The following RSPH6A variants were observed in gnomAD, a reference collection of about 807,000 sequenced individuals.
The protein encoded by RSPH6A is radial spoke head 6 homolog A.
Under a neutral mutation model 66.1 loss-of-function variants are expected in RSPH6A, and 49 were observed. The observed-to-expected ratio is 0.74, with a 90% CI of 0.59 to 0.94. The LOEUF (loss-of-function observed/expected upper bound fraction) is 0.94, where lower values mean the gene tolerates loss of function less well. Among genes scored for constraint, RSPH6A ranks in the 40% least tolerant of loss-of-function variants. The pLI is 0.00. For synonymous variants in RSPH6A, 419 were observed against 402.4 expected (o/e 1.04, Z -0.49); for missense variants, 977 against 948.3 (o/e 1.03, Z -0.40).
At chr19:45,796,921 T>A (rs1004557086) in intron 5 of RSPH6A, among the ~76,000 whole-genome samples, 4 of 152,138 alleles carry the variant, frequency 2.6e-5, no homozygotes, top group Admixed American at 1.3e-4. Flanking sequence ...GTTTAAAAAT[T>A]AGCCAGTTGC....
chr19:45,804,670 G>A lies in RSPH6A; in HGVS notation c.1235C>T (p.Pro412Leu), dbSNP rs200271765. The change falls in exon 3 of 6, where the codon CCC becomes CTC. Residue 412 changes from proline to leucine, a missense_variant. Transcript: ENST00000221538. This position sits in a 1 kb window ranked among gnomAD's most constrained non-coding sequence, Gnocchi z 5.8. The part of the protein sequence containing the change: ...IVPKSVWKPP[P>L]VIPKEESRSG... ...GCGGCTCTCCTCCTTGGGGATCACG[G>A]GCGGCGGCTTCCATACGGACTTAGG... 5 of 1,613,800 alleles carry A rather than the reference G, an allele frequency of 3.1e-6. No homozygotes were observed. Among genetic ancestry groups the A allele is most frequent in the Admixed American group, 3.3e-5 (2 of 59,958 alleles).
At chr19:45,799,675 G>T (rs1157201763) in intron 5 of RSPH6A, among the ~76,000 whole-genome samples, 1 of 152,038 alleles carries the variant, frequency 6.6e-6, no homozygotes, top group Non-Finnish European at 1.5e-5. Flanking sequence ...AGTGCACCTG[G>T]CCCAAGCTTG....
Position 45,804,511 on chromosome 19 carries a change from G to A in RSPH6A, c.1394C>T (p.Thr465Met), listed in dbSNP as rs370328882. The A allele has an allele frequency of 2.2e-5, 36 of 1,614,108 alleles. No individual in the cohort carries two copies. The highest frequency in any genetic ancestry group is 1.9e-4 in the African/African-American group (14 of 74,946). ...IKKFFTGYLDTPVVSYPPFPG... is the reference protein window; with the variant it reads ...IKKFFTGYLDMPVVSYPPFPG... ...GAAGGGTGGGTAGCTGACGACTGGC[G>A]TGTCCAGGTAGCCTGTGAAGAACTT... Residue 465 changes from threonine (T) to methionine (M), a missense_variant, in exon 3 of 6, where the codon ACG (threonine) becomes ATG (methionine). Transcript: ENST00000221538. The surrounding 1 kb of genome is among the most constrained non-coding windows in gnomAD (Gnocchi z 5.8).
intron 1 of RSPH6A, among the ~76,000 whole-genome samples, chr19:45,812,755 G>C (rs529709002): frequency 6.6e-6 from 1 of 152,084 alleles, no homozygotes; most frequent in African/African-American, 2.4e-5. Context: ...GAGTGCACTG[G>C]CACGATCTTG....
At chr19:45,798,539 CAA>C (rs35898926) in intron 5 of RSPH6A, among the ~76,000 whole-genome samples, 458 of 100,198 alleles carry the variant, frequency 4.6e-3, no homozygotes, top group African/African-American at 0.015. Flanking sequence ...GACCCTATCT[CAA>C]AAAAAAAAAA....
At chr19:45,808,389 T>A (rs1381631799) in intron 2 of RSPH6A, among the ~76,000 whole-genome samples, 1 of 152,006 alleles carries the variant, frequency 6.6e-6, no homozygotes, top group African/African-American at 2.4e-5. Flanking sequence ...ATCGTGCCAC[T>A]GCACTCCAGC....
chr19:45,799,763 C>T (rs994415295), intron 5 of RSPH6A, among the ~76,000 whole-genome samples: 2 of 152,198 alleles, frequency 1.3e-5, no homozygotes, highest in Admixed American at 6.5e-5. Context: ...ACTGGAAGAA[C>T]AGGCCGGGTG....
At chr19:45,811,747 T>TA (rs1555791964) in intron 1 of RSPH6A, among the ~76,000 whole-genome samples, 18 of 19,262 alleles carry the variant, frequency 9.3e-4, no homozygotes, top group Admixed American at 6.7e-3. Flanking sequence ...ACATTTGTAT[T>TA]ATTATTATTA....
At chr19:45,809,147 G>A (rs546676229) in intron 2 of RSPH6A, among the ~76,000 whole-genome samples, 31 of 150,286 alleles carry the variant, frequency 2.1e-4, no homozygotes, top group Admixed American at 6.0e-4. Context: ...GACTACAGGC[G>A]CCTGCCTCCA....
intron 3 of RSPH6A, among the ~76,000 whole-genome samples, chr19:45,802,942 C>T (rs1474017493): frequency 6.6e-6 from 1 of 150,984 alleles, no homozygotes; most frequent in African/African-American, 2.4e-5. Context: ...CAAGCAGTGG[C>T]TTACGCCTGT....
chr19:45,802,018 G>A, intron 4 of RSPH6A, 102 bp downstream of exon 4: 1 of 1,203,992 alleles, frequency 8.3e-7, no homozygotes, highest in Non-Finnish European at 1.1e-6. Flanking sequence ...CTGAGCCTGG[G>A]AGGGAAGGAC....
At position 45,815,248 on chromosome 19, in the gene RSPH6A, G is replaced by T. The variant is rs1418143821; in HGVS notation, c.-72C>A. On this transcript the variant is annotated 5_prime_UTR_variant, in exon 1 of 6. Coordinates refer to ENST00000221538, the MANE Select transcript of RSPH6A (RefSeq NM_030785.4). ...GGAGGCCAAGCGAGAGCCACCTGTC[G>T]ACACCGCCGGTTTCTGAGCACCGAG... The T allele has an allele frequency of 2.8e-6, 4 of 1,418,720 alleles. No homozygotes were observed. Among genetic ancestry groups the T allele is most frequent in the Non-Finnish European group, 3.7e-6 (4 of 1,075,486 alleles). The allele number at this position is 1,418,720 out of a possible 1,614,324, so 87.9% of individuals were successfully genotyped here.
chr19:45,808,184 T>C (rs1367451541), intron 2 of RSPH6A, among the ~76,000 whole-genome samples: 1 of 152,178 alleles, frequency 6.6e-6, no homozygotes, highest in South Asian at 2.1e-4. Context: ...CCCAGCACTT[T>C]GGGAGGCCGA....
chr19:45,802,425 C>T (rs564081781), intron 3 of RSPH6A, among the ~76,000 whole-genome samples, 161 bp from the exon 4 acceptor site: 4 of 152,086 alleles, frequency 2.6e-5, no homozygotes, highest in Non-Finnish European at 4.4e-5. Flanking sequence ...AGGTGGGAAA[C>T]GGGCTGACAG....
intron 1 of RSPH6A, among the ~76,000 whole-genome samples, chr19:45,814,032 G>A (rs1453035513): frequency 1.3e-5 from 2 of 152,072 alleles, no homozygotes; most frequent in East Asian, 1.9e-4. Flanking sequence ...AGTGGAGCGC[G>A]CCTGTAACCC....
Position 45,795,956 on chromosome 19 carries a change from C to A in RSPH6A, c.2067G>T (p.Leu689=). 6.2e-7 allele frequency: 1 copy of A among 1,611,988 alleles called. No homozygotes were observed. Among genetic ancestry groups the A allele is most frequent in the Non-Finnish European group, 8.5e-7 (1 of 1,179,610 alleles). Residue 689 remains leucine, a synonymous_variant, in exon 6 of 6, where the codon CTG becomes CTT. Coordinates refer to ENST00000221538, the MANE Select transcript of RSPH6A (RefSeq NM_030785.4). ...CCAGGGCTTGTTCCTGGGCTGCTTT[C>A]AGAGCCTGCTCCTCTTCCACTGTGG... The part of the protein sequence containing the change: ...SDPTVEEEQA[L]KAAQEQALGA...
chr19:45,802,281 G>T lies in RSPH6A; in HGVS notation c.1654-17C>A. ...GCAGCGGCCCTGGGGGTGGGGGGAAGCTCAGGTGATGGCCCCAGTGCACGG... is the reference window on the plus strand; with the variant it reads ...GCAGCGGCCCTGGGGGTGGGGGGAATCTCAGGTGATGGCCCCAGTGCACGG... On this transcript the variant is annotated splice_polypyrimidine_tract_variant and intron_variant, in intron 3 of 5. Transcript: ENST00000221538. The T allele has an allele frequency of 7.4e-7, 1 of 1,355,438 alleles. No homozygotes were observed. Among genetic ancestry groups the T allele is most frequent in the Non-Finnish European group, 9.6e-7 (1 of 1,038,760 alleles). The allele number at this position is 1,355,438 out of a possible 1,614,324, so 84.0% of individuals were successfully genotyped here. A position where few individuals can be genotyped will look rare whatever the true frequency, so the allele number is the denominator to read the frequency against.
chr19:45,796,228 A>C (rs376541530), intron 5 of RSPH6A, 122 bp from the exon 6 acceptor site: 32 of 664,028 alleles, frequency 4.8e-5, no homozygotes, highest in East Asian at 1.5e-4. Flanking sequence ...ATCTCGACTT[A>C]CTGCAACCTC....
In RSPH6A at chr19:45,814,519, C is replaced by A; in HGVS notation, c.650+8G>T. 6.7e-7 allele frequency: 1 copy of A among 1,498,582 alleles called. No individual in the cohort carries two copies. The highest frequency in any genetic ancestry group is 1.4e-5 in the South Asian group (1 of 71,912). 92.8% of individuals were successfully genotyped at this position (1,498,582 alleles called of 1,614,324 possible). A position where few individuals can be genotyped will look rare whatever the true frequency, so the allele number is the denominator to read the frequency against. On this transcript the variant is annotated splice_region_variant and intron_variant, in intron 1 of 5. Transcript: ENST00000221538. ...CCCCCACCCGCCCCACTCCTAGCCC[C>A]TGCTCACAGGCTGAGGTCGCAATTG...
Sources: allele counts gnomAD v4.1 joint callset (sites outside exome capture counted in the v4.1 genomes callset), GRCh38; gene constraint gnomAD v4.1.1; non-coding constraint Gnocchi (gnomAD v3.1); transcripts MANE v1.5; gene names NCBI Gene and HGNC (gene_info 2026-07-23, HGNC 2026-07-21).